Variants in FNBP1 observed in about 807,000 individuals in gnomAD.
FNBP1 encodes formin binding protein 1.
A neutral mutation model predicts 90.6 loss-of-function variants in FNBP1; 26 were observed. That is an observed-to-expected ratio of 0.29 (90% confidence interval 0.21 to 0.40). The LOEUF is 0.40. Among genes scored for constraint, FNBP1 ranks in the 10% least tolerant of loss-of-function variants. The pLI is 1.00. For synonymous variants in FNBP1, 260 were observed against 265.2 expected, an observed-to-expected ratio of 0.98 and a Z score of 0.19; for missense variants, 635 against 768.0, an observed-to-expected ratio of 0.83 and a Z score of 2.05.
At chr9:129,923,628 G>T (rs1323275040) in intron 10 of FNBP1, among the ~76,000 whole-genome samples, 1 of 149,858 alleles carries the variant, frequency 6.7e-6, no homozygotes, top group African/African-American at 2.4e-5. Context: ...GGGCTGTCTG[G>T]TTTTCTCCTT....
intron 6 of FNBP1, among the ~76,000 whole-genome samples, chr9:129,940,335 C>A (rs912295008): frequency 1.3e-5 from 2 of 152,024 alleles, no homozygotes; most frequent in African/African-American, 4.8e-5. Context: ...TCAGGTATAT[C>A]TTCAAAAGAA....
At chr9:129,926,248 A>T (rs1174054422) in intron 8 of FNBP1, among the ~76,000 whole-genome samples, 2 of 152,228 alleles carry the variant, frequency 1.3e-5, no homozygotes, top group African/African-American at 2.4e-5. Flanking sequence ...CTGGGATTAC[A>T]AATGTGAGCC....
At position 129,890,998 on chromosome 9, in the gene FNBP1, TACA is replaced by T. The variant is rs1302300883; in HGVS notation, c.1847-455_1847-453del. ...GGTGAAAACCCATCTCTATTAAAAA[TACA>T]ACAATTAGCCTGGCGTGGTGGCAGG... On this transcript the variant is annotated intron_variant, in intron 16 of 16. Coordinates refer to ENST00000446176, the MANE Select transcript of FNBP1 (RefSeq NM_015033.3). The surrounding 1 kb of genome is among the most constrained non-coding windows in gnomAD (Gnocchi z 5.8). Among the ~76,000 whole-genome samples the T allele has an allele frequency of 6.7e-6, 1 of 149,930 alleles. No homozygotes were observed. The highest frequency in any genetic ancestry group is 1.5e-5 in the Non-Finnish European group (1 of 67,652).
intron 1 of FNBP1, among the ~76,000 whole-genome samples, chr9:130,006,163 C>T (rs1007933746): frequency 1.3e-5 from 2 of 152,142 alleles, no homozygotes; most frequent in Admixed American, 6.6e-5. Context: ...CAGGTACAGG[C>T]TGGGTATGGT....
At position 129,915,274 on chromosome 9, in the gene FNBP1, T is replaced by A. The variant is rs2040086330; in HGVS notation, c.1185+692A>T. 2.0e-5 allele frequency among the ~76,000 whole-genome samples: 3 copies of A among 152,118 alleles called. No individual in the cohort carries two copies. The South Asian group carries it at 6.2e-4, about 32-fold the overall frequency. On this transcript the variant is annotated intron_variant, in intron 11 of 16. Coordinates refer to ENST00000446176, the MANE Select transcript of FNBP1 (RefSeq NM_015033.3). The stretch of plus-strand genomic sequence containing the variant: ...GCTCCCAGATTTTTTCATCTACTTC[T>A]ATGGTTCTCTAATAGCAACATTTTT...
chr9:130,008,145 G>A (rs951574770), intron 1 of FNBP1, among the ~76,000 whole-genome samples: 1 of 150,560 alleles, frequency 6.6e-6, no homozygotes, highest in Admixed American at 6.7e-5. Context: ...AGGAGTTCGA[G>A]ACCAGCCTGA....
At chr9:129,908,346 G>T (rs1274220113) in intron 12 of FNBP1, among the ~76,000 whole-genome samples, 1 of 150,814 alleles carries the variant, frequency 6.6e-6, no homozygotes, top group Non-Finnish European at 1.5e-5. Flanking sequence ...TGGGACTACA[G>T]GTGCACACCA....
intron 2 of FNBP1, among the ~76,000 whole-genome samples, chr9:129,993,402 T>G (rs1402883217): frequency 1.3e-5 from 2 of 151,718 alleles, no homozygotes; most frequent in Admixed American, 6.6e-5. Flanking sequence ...TACCAAGAAC[T>G]TTTAAATATA....
intron 1 of FNBP1, among the ~76,000 whole-genome samples, chr9:130,000,582 A>G (rs947034541): frequency 5.3e-5 from 8 of 152,186 alleles, no homozygotes; most frequent in Non-Finnish European, 1.0e-4. Flanking sequence ...TTTCTTGTAA[A>G]ATATTTTTTT....
chr9:130,006,879 A>T (rs1397058690), intron 1 of FNBP1, among the ~76,000 whole-genome samples: 1 of 152,108 alleles, frequency 6.6e-6, no homozygotes, highest in Non-Finnish European at 1.5e-5. Context: ...TGTGTGGGTT[A>T]AAAAAATAAA....
intron 1 of FNBP1, among the ~76,000 whole-genome samples, chr9:129,996,712 T>G (rs1250397843): frequency 6.6e-6 from 1 of 152,108 alleles, no homozygotes; most frequent in Non-Finnish European, 1.5e-5. Context: ...TTGGTTGGTT[T>G]GTTTTGAGAC....
chr9:129,934,209 T>G (rs956794141), intron 6 of FNBP1, among the ~76,000 whole-genome samples: 1 of 152,206 alleles, frequency 6.6e-6, no homozygotes, highest in East Asian at 1.9e-4. Context: ...AGATAGTGTT[T>G]CCATTCTAAA....
the FNBP1 span, among the ~76,000 whole-genome samples, chr9:130,048,943 G>T: frequency 6.6e-6 from 1 of 150,774 alleles, no homozygotes; most frequent in Non-Finnish European, 1.5e-5. Context: ...ACCATGCCTG[G>T]CTAGTATTTT....
Position 129,927,339 on chromosome 9 carries a change from T to C in FNBP1, c.645A>G (p.Lys215=). 1.2e-6 allele frequency: 2 copies of C among 1,609,924 alleles called. No individual in the cohort carries two copies. Among genetic ancestry groups the C allele is most frequent in the Non-Finnish European group, 1.7e-6 (2 of 1,177,744 alleles). Residue 215 remains lysine, a splice_region_variant and synonymous_variant, in exon 8 of 17, where the codon AAA becomes AAG. Transcript: ENST00000446176. ...TCCTCCTTTCCTCCATCTCTTGTATTTTCTGCAACATTAGATTTTGTATAA... is the reference window on the plus strand; with the variant it reads ...TCCTCCTTTCCTCCATCTCTTGTATCTTCTGCAACATTAGATTTTGTATAA... The part of the protein sequence containing the change: ...YHTHIPNIFQ[K]IQEMEERRIV...
intron 5 of FNBP1, among the ~76,000 whole-genome samples, 189 bp downstream of exon 5, chr9:129,958,302 T>C (rs1280497208): frequency 6.6e-6 from 1 of 151,986 alleles, no homozygotes; most frequent in Non-Finnish European, 1.5e-5. Context: ...CATGGTGACG[T>C]GTGCCTGTAA....
intron 6 of FNBP1, 101 bp from the exon 7 acceptor site, chr9:129,929,796 GC>G: frequency 9.0e-7 from 1 of 1,105,900 alleles, no homozygotes; most frequent in Non-Finnish European, 1.3e-6. Context: ...ATGCCTAGGG[GC>G]CAGATTTACC....
chr9:129,890,491 C>G lies in FNBP1; in HGVS notation c.*48G>C. 1 of 1,545,694 alleles carries G rather than the reference C, an allele frequency of 6.5e-7. No individual in the cohort carries two copies. Among genetic ancestry groups the G allele is most frequent in the Admixed American group, 1.8e-5 (1 of 54,392 alleles). On this transcript the variant is annotated 3_prime_UTR_variant, in exon 17 of 17. Coordinates refer to ENST00000446176, the MANE Select transcript of FNBP1 (RefSeq NM_015033.3). This position sits in a 1 kb window ranked among gnomAD's most constrained non-coding sequence, Gnocchi z 5.8. Reference sequence around the variant, plus strand: ...CTGGAGGCCTGTGGGAACAAGCAGACGGAGGCTCCTCCAGGAAGGCTCACC... The same window carrying G: ...CTGGAGGCCTGTGGGAACAAGCAGAGGGAGGCTCCTCCAGGAAGGCTCACC...
At chr9:129,964,680 AT>A (rs1252176697) in intron 4 of FNBP1, among the ~76,000 whole-genome samples, 3 of 152,094 alleles carry the variant, frequency 2.0e-5, no homozygotes, top group African/African-American at 7.2e-5. Flanking sequence ...TTTTGAGACA[AT>A]TTTACTGAAC....
At chr9:130,038,080 C>A (rs945817127) in intron 1 of FNBP1, among the ~76,000 whole-genome samples, 3 of 152,078 alleles carry the variant, frequency 2.0e-5, no homozygotes, top group Non-Finnish European at 4.4e-5. Flanking sequence ...GTCGGCCGGG[C>A]GCGGTGGCTC....
Sources: allele counts gnomAD v4.1 joint callset (sites outside exome capture counted in the v4.1 genomes callset), GRCh38; gene constraint gnomAD v4.1.1; non-coding constraint Gnocchi (gnomAD v3.1); transcripts MANE v1.5; gene names NCBI Gene and HGNC (gene_info 2026-07-23, HGNC 2026-07-21).